Variants in IGF1R observed in about 807,000 individuals in gnomAD.
The protein encoded by IGF1R is insulin like growth factor 1 receptor.
IGF1R carries 44 observed loss-of-function variants against 144.6 expected under a neutral mutation model. That is an observed-to-expected ratio of 0.30 (90% CI 0.24 to 0.39). The LOEUF (loss-of-function observed/expected upper bound fraction) is 0.39. IGF1R is among the 10% of genes least tolerant of loss of function. The pLI is 1.00. For missense variants in IGF1R, 1,355 were observed against 1,833.7 expected (o/e 0.74, Z 4.77); for synonymous variants, 795 against 722.8 (o/e 1.10, Z -1.60).
intron 2 of IGF1R, among the ~76,000 whole-genome samples, chr15:98,752,436 C>A (rs1272205218): frequency 6.6e-6 from 1 of 152,142 alleles, no homozygotes; most frequent in Non-Finnish European, 1.5e-5. Context: ...GTAATCCCAG[C>A]ACTTTGGGAG....
chr15:98,933,168 A>G (rs1054155086), intron 15 of IGF1R, among the ~76,000 whole-genome samples: 2 of 152,192 alleles, frequency 1.3e-5, no homozygotes, highest in Admixed American at 6.5e-5. Context: ...CGTCAGAGGA[A>G]TTACTGACAT....
intron 2 of IGF1R, among the ~76,000 whole-genome samples, chr15:98,728,626 C>A (rs1295729564): frequency 6.6e-6 from 1 of 152,248 alleles, no homozygotes; most frequent in Non-Finnish European, 1.5e-5. Flanking sequence ...CCATTGTGAA[C>A]CCAGTGAGGT....
chr15:98,835,097 A>ACCCCTACACC (rs2057072143), intron 2 of IGF1R, among the ~76,000 whole-genome samples: 3 of 143,770 alleles, frequency 2.1e-5, no homozygotes, highest in African/African-American at 8.4e-5. Flanking sequence ...ACACACACAC[A>ACCCCTACACC]CACACACACA....
chr15:98,810,825 G>C (rs544082899), intron 2 of IGF1R, among the ~76,000 whole-genome samples: 9 of 152,100 alleles, frequency 5.9e-5, no homozygotes, highest in African/African-American at 2.2e-4. Context: ...TGGGATTACA[G>C]GCGTGAGCCA....
chr15:98,759,006 T>C (rs1341163834), intron 2 of IGF1R, among the ~76,000 whole-genome samples: 2 of 152,224 alleles, frequency 1.3e-5, no homozygotes, highest in African/African-American at 4.8e-5. Flanking sequence ...GGGATACTTA[T>C]ATAAAGGAAG....
chr15:98,738,084 T>C (rs545452281), intron 2 of IGF1R, among the ~76,000 whole-genome samples: 2 of 152,354 alleles, frequency 1.3e-5, no homozygotes, highest in South Asian at 4.1e-4. Flanking sequence ...TGCTCCTGTA[T>C]CTAGATTAAA....
intron 1 of IGF1R, among the ~76,000 whole-genome samples, chr15:98,656,692 CTT>C (rs2052493671): frequency 1.3e-5 from 2 of 152,100 alleles, no homozygotes; most frequent in Non-Finnish European, 2.9e-5. Context: ...GAGTTTGAAA[CTT>C]TGTTTTATCT....
intron 10 of IGF1R, among the ~76,000 whole-genome samples, chr15:98,920,144 G>A (rs570973188): frequency 6.6e-6 from 1 of 152,174 alleles, no homozygotes; most frequent in Admixed American, 6.5e-5. Context: ...TTCCAATAGG[G>A]CTAGGTTGTA....
intron 2 of IGF1R, among the ~76,000 whole-genome samples, chr15:98,819,991 G>C (rs1242459794): frequency 1.3e-5 from 2 of 152,164 alleles, no homozygotes; most frequent in Non-Finnish European, 1.5e-5. Context: ...TCTTAGTAGT[G>C]TATGAAAATA....
intron 2 of IGF1R, among the ~76,000 whole-genome samples, chr15:98,758,798 AG>A (rs2055221771): frequency 1.3e-5 from 2 of 152,176 alleles, no homozygotes; most frequent in Admixed American, 1.3e-4. Context: ...TACTTTAGAG[AG>A]GGGACTGTGA....
intron 20 of IGF1R, among the ~76,000 whole-genome samples, chr15:98,949,018 C>T (rs1450114210): frequency 6.6e-6 from 1 of 152,208 alleles, no homozygotes; most frequent in Non-Finnish European, 1.5e-5. Flanking sequence ...CTTACTCATC[C>T]TCTCCATGTG....
chr15:98,727,262 G>A (rs765701399), intron 2 of IGF1R, among the ~76,000 whole-genome samples: 11 of 152,298 alleles, frequency 7.2e-5, no homozygotes, highest in Middle Eastern at 3.4e-3. Context: ...AATAACAGTC[G>A]TACAGAGAGT....
chr15:98,763,876 C>G (rs1322129238), intron 2 of IGF1R, among the ~76,000 whole-genome samples: 1 of 152,158 alleles, frequency 6.6e-6, no homozygotes, highest in African/African-American at 2.4e-5. Flanking sequence ...CCCAGCGTGA[C>G]CTCATTAGCA....
chr15:98,771,086 T>C (rs1043056748), intron 2 of IGF1R, among the ~76,000 whole-genome samples: 2 of 152,166 alleles, frequency 1.3e-5, no homozygotes, highest in East Asian at 1.9e-4. Flanking sequence ...TGGATTGTTG[T>C]TGTATGAGGA....
At chr15:98,673,135 T>G (rs1567068490) in intron 1 of IGF1R, among the ~76,000 whole-genome samples, 2 of 152,212 alleles carry the variant, frequency 1.3e-5, no homozygotes, top group Non-Finnish European at 2.9e-5. Flanking sequence ...GTTGGGCTGA[T>G]AGACATGAGC....
At chr15:98,766,051 G>T (rs1403143328) in intron 2 of IGF1R, among the ~76,000 whole-genome samples, 1 of 152,194 alleles carries the variant, frequency 6.6e-6, no homozygotes, top group Non-Finnish European at 1.5e-5. Context: ...ACAGACTGCA[G>T]GGCTTGGAGG....
intron 15 of IGF1R, among the ~76,000 whole-genome samples, chr15:98,930,989 G>C (rs2015918719): frequency 1.3e-5 from 2 of 152,128 alleles, no homozygotes; most frequent in Non-Finnish European, 2.9e-5. Flanking sequence ...GTGATACTAG[G>C]ACCCTTAACT....
intron 2 of IGF1R, among the ~76,000 whole-genome samples, chr15:98,757,733 T>C (rs1005610944): frequency 1.3e-5 from 2 of 152,204 alleles, no homozygotes; most frequent in Non-Finnish European, 2.9e-5. Flanking sequence ...AGCTGGACTT[T>C]TAAAACCCAT....
intron 2 of IGF1R, among the ~76,000 whole-genome samples, chr15:98,798,470 T>C (rs1040628119): frequency 2.0e-5 from 3 of 152,032 alleles, no homozygotes; most frequent in African/African-American, 7.3e-5. Flanking sequence ...AACAGGACCA[T>C]GCTGGCAGCT....
Sources: gnomAD v4.1 joint callset for allele counts (sites outside exome capture counted in the v4.1 genomes callset) on GRCh38, gnomAD v4.1.1 for gene constraint, MANE v1.5 for transcripts, NCBI Gene and HGNC (gene_info 2026-07-23, HGNC 2026-07-21) for gene names.